TMEM204: variants seen among roughly 807,000 people sequenced by gnomAD.
TMEM204 encodes the protein claudin-like protein 24.
Under a neutral mutation model 19.4 loss-of-function variants are expected in TMEM204, and 15 were observed. That is an observed-to-expected ratio of 0.77 (90% CI 0.52 to 1.19). TMEM204 has a LOEUF of 1.19. Ranked by LOEUF, TMEM204 falls within the 50% of genes most tolerant of loss-of-function variation. The probability of loss-of-function intolerance (pLI) is 0.00; values close to 1 mark genes in which losing one functional copy is unlikely to be tolerated. For synonymous variants in TMEM204, 161 were observed against 146.0 expected, an observed-to-expected ratio of 1.10 and a Z score of -0.74; for missense variants, 287 against 321.2, an observed-to-expected ratio of 0.89 and a Z score of 0.81.
intron 2 of TMEM204, among the ~76,000 whole-genome samples, chr16:1,549,442 T>C (rs1042577199): frequency 6.6e-6 from 1 of 152,262 alleles, no homozygotes; most frequent in African/African-American, 2.4e-5. Context: ...TCTTTGTTTT[T>C]TGAGACTGGC....
At chr16:1,529,410 T>G (rs2030194686), upstream of TMEM204, among the ~76,000 whole-genome samples, 1 of 152,206 alleles carries the variant, frequency 6.6e-6, no homozygotes, top group Non-Finnish European at 1.5e-5. Context: ...TCACAGCACC[T>G]GGGTGCACCC....
chr16:1,551,932 G>A lies in TMEM204; in HGVS notation c.437-2850G>A, dbSNP rs891923241. ...CGGGTGTGTCCCTGGTGATGTCCCC[G>A]GGGCCTCTCCCTGGTGACGTGTGGC... On this transcript the variant is annotated intron_variant, in intron 2 of 2. Coordinates refer to ENST00000566264, the MANE Select transcript of TMEM204 (RefSeq NM_024600.6). The surrounding 1 kb of genome is among the most constrained non-coding windows in gnomAD (Gnocchi z 4.0). Among the ~76,000 whole-genome samples the A allele has an allele frequency of 5.3e-5, 8 of 152,040 alleles. No homozygotes were observed. Among genetic ancestry groups the A allele is most frequent in the African/African-American group, 1.5e-4 (6 of 41,364 alleles).
chr16:1,554,208 A>G, intron 2 of TMEM204: 1 of 1,058,812 alleles, frequency 9.4e-7, no homozygotes, highest in Admixed American at 2.8e-5. Flanking sequence ...ACTCCAGGCC[A>G]TCTGGAGTTC....
rs370211468 is a variant in TMEM204, at chr16:1,549,381, C to T, written c.437-5401C>T. Among the ~76,000 whole-genome samples the T allele has an allele frequency of 1.1e-4, 16 of 152,372 alleles. No individual in the cohort carries two copies. In the East Asian group the frequency reaches 2.5e-3, roughly 24 times the overall value. On this transcript the variant is annotated intron_variant, in intron 2 of 2. Transcript: ENST00000566264. ...GGAGCTGTACCACCAGCGAGTGAAG[C>T]GCGGCTCCCAGAACGCGGCTCCAGA...
At chr16:1,538,303 G>A (rs1248182314) in intron 1 of TMEM204, among the ~76,000 whole-genome samples, 1 of 152,212 alleles carries the variant, frequency 6.6e-6, no homozygotes, top group East Asian at 1.9e-4. Flanking sequence ...AGGGCTGTGT[G>A]CCTGGAGCTG....
At chr16:1,547,800 C>G (rs148636138) in intron 2 of TMEM204, among the ~76,000 whole-genome samples, 1 of 152,162 alleles carries the variant, frequency 6.6e-6, no homozygotes, top group African/African-American at 2.4e-5. Flanking sequence ...CCTCCCACAG[C>G]GCTGGGATTA....
rs1474757236 is a variant in TMEM204 at position 1,551,209 on chromosome 16, C to T, written c.437-3573C>T. Among the ~76,000 whole-genome samples the T allele has an allele frequency of 1.3e-5, 2 of 152,244 alleles. No homozygotes were observed. The highest frequency in any genetic ancestry group is 4.8e-5 in the African/African-American group (2 of 41,468). On this transcript the variant is annotated intron_variant, in intron 2 of 2. Transcript: ENST00000566264. This position sits in a 1 kb window ranked among gnomAD's most constrained non-coding sequence, Gnocchi z 4.0. ...TGGTCAATGGTGGGGCAAGTTCTGGCCCCGGGGAGCCTGCCCTGTGGCGGG... is the reference window on the plus strand; with the variant it reads ...TGGTCAATGGTGGGGCAAGTTCTGGTCCCGGGGAGCCTGCCCTGTGGCGGG...
intron 2 of TMEM204, among the ~76,000 whole-genome samples, chr16:1,548,618 G>C (rs1451792232): frequency 6.6e-6 from 1 of 152,196 alleles, no homozygotes; most frequent in Non-Finnish European, 1.5e-5. Flanking sequence ...AGGACAATGA[G>C]GAGAGAGGGA....
rs2031681677 is a variant in TMEM204 at position 1,541,907 on chromosome 16, C to T, written c.281-14C>T. 1 of 1,580,124 alleles carries T rather than the reference C, an allele frequency of 6.3e-7. No individual in the cohort carries two copies. Among genetic ancestry groups the T allele is most frequent in the African/African-American group, 1.3e-5 (1 of 74,388 alleles). On this transcript the variant is annotated splice_polypyrimidine_tract_variant and intron_variant, in intron 1 of 2. Coordinates refer to ENST00000566264, the MANE Select transcript of TMEM204 (RefSeq NM_024600.6). ...ACCTGCACTCACCACTGCCTCTCTGCTCTTGGCCCACAGTGCAGTTCGACA... is the reference window on the plus strand; with the variant it reads ...ACCTGCACTCACCACTGCCTCTCTGTTCTTGGCCCACAGTGCAGTTCGACA...
At chr16:1,533,315 G>A (rs2030703170), upstream of TMEM204, 1 of 151,274 alleles carries the variant, frequency 6.6e-6, no homozygotes, top group Non-Finnish European at 1.5e-5. The surrounding 1 kb of genome is among the most constrained non-coding windows in gnomAD (Gnocchi z 4.7). Flanking sequence ...TGGTTCCTAT[G>A]GTCCTGGGGG....
chr16:1,537,089 A>G (rs1415222083), intron 1 of TMEM204, among the ~76,000 whole-genome samples: 1 of 152,022 alleles, frequency 6.6e-6, no homozygotes, highest in Non-Finnish European at 1.5e-5. Flanking sequence ...ATCACCCAGC[A>G]CGTATGATGG....
At position 1,534,002 on chromosome 16, in the gene TMEM204, G is replaced by C. The variant is rs983472860; in HGVS notation, c.-274G>C. ...GGAAGACGGCGCACTCCTGGCCCTG[G>C]GTTCTTGCTGCTGCCCACCCTCTGC... On this transcript the variant is annotated 5_prime_UTR_variant, in exon 1 of 3. Transcript: ENST00000566264. 2.4e-4 allele frequency: 117 copies of C among 491,078 alleles called. No individual in the cohort carries two copies. The highest frequency in any genetic ancestry group is 5.0e-5 in the Non-Finnish European group (14 of 281,596). 30.4% of individuals were successfully genotyped at this position (491,078 alleles called of 1,614,324 possible). A position where few individuals can be genotyped will look rare whatever the true frequency, so the allele number is the denominator to read the frequency against.
chr16:1,555,202 T>A lies in TMEM204; in HGVS notation c.*176T>A, dbSNP rs1022757901. On this transcript the variant is annotated 3_prime_UTR_variant, in exon 3 of 3. Coordinates refer to ENST00000566264, the MANE Select transcript of TMEM204 (RefSeq NM_024600.6). ...TGCGTTTACTGTTATGTCGGTCATATGTCTGTACGTGTCGTGGGCCAACCT... is the reference window on the plus strand; with the variant it reads ...TGCGTTTACTGTTATGTCGGTCATAAGTCTGTACGTGTCGTGGGCCAACCT... 1.3e-6 allele frequency: 1 copy of A among 796,484 alleles called. No homozygotes were observed. Among genetic ancestry groups the A allele is most frequent in the Non-Finnish European group, 1.9e-6 (1 of 520,990 alleles). The allele number at this position is 796,484 out of a possible 1,614,324, so 49.3% of individuals were successfully genotyped here. A position where few individuals can be genotyped will look rare whatever the true frequency, so the allele number is the denominator to read the frequency against.
intron 2 of TMEM204, among the ~76,000 whole-genome samples, chr16:1,546,591 T>C (rs1182643917): frequency 1.3e-5 from 2 of 152,164 alleles, no homozygotes; most frequent in Non-Finnish European, 2.9e-5. Flanking sequence ...CCGAGGCGCA[T>C]CCCACGTGCT....
chr16:1,540,085 G>A (rs1035500623), intron 1 of TMEM204, among the ~76,000 whole-genome samples: 4 of 152,204 alleles, frequency 2.6e-5, no homozygotes, highest in Non-Finnish European at 4.4e-5. Context: ...CCTCAGTGGC[G>A]AGGAGCAGTG....
Position 1,554,859 on chromosome 16 carries a change from A to G in TMEM204, c.514A>G (p.Asn172Asp). 2 of 1,614,212 alleles carry G rather than the reference A, an allele frequency of 1.2e-6. No homozygotes were observed. Among genetic ancestry groups the G allele is most frequent in the Non-Finnish European group, 1.7e-6 (2 of 1,180,040 alleles). The change falls in exon 3 of 3, where the codon AAC (asparagine) becomes GAC (aspartate). Residue 172 changes from asparagine to aspartate, a missense_variant. By Grantham distance (23) the Asn-to-Asp change is conservative. Coordinates refer to ENST00000566264, the MANE Select transcript of TMEM204 (RefSeq NM_024600.6). ...YTNLSWSCYL[N>D]IGACLLATLA... ...CAACCTGTCCTGGTCCTGCTACCTG[A>G]ACATTGGCGCCTGCCTTCTGGCCAC... is the stretch of plus-strand genomic sequence containing the variant.
At chr16:1,538,242 G>A (rs1347033478) in intron 1 of TMEM204, among the ~76,000 whole-genome samples, 1 of 152,224 alleles carries the variant, frequency 6.6e-6, no homozygotes, top group Non-Finnish European at 1.5e-5. Flanking sequence ...GCTGCAGAGT[G>A]GCTTGTGGGG....
upstream of TMEM204, chr16:1,532,145 C>T (rs960102337): frequency 6.6e-6 from 1 of 152,340 alleles, no homozygotes; most frequent in Non-Finnish European, 1.5e-5. Flanking sequence ...GGACATCCCC[C>T]CAGGGCCTTC....
intron 1 of TMEM204, 69 bp downstream of exon 1, chr16:1,534,624 C>A (rs551552325): frequency 5.0e-6 from 8 of 1,589,052 alleles, no homozygotes; most frequent in African/African-American, 1.3e-5. Context: ...AGATGTTAGG[C>A]GCGGACCTGG....
Sources: gnomAD v4.1 joint callset for allele counts (sites outside exome capture counted in the v4.1 genomes callset) on GRCh38, gnomAD v4.1.1 for gene constraint, Gnocchi (gnomAD v3.1) non-coding constraint, MANE v1.5 for transcripts, NCBI Gene and HGNC (gene_info 2026-07-23, HGNC 2026-07-21) for gene names.